The following OTUD7A variants were observed in gnomAD, a reference collection of about 807,000 sequenced individuals.
The protein encoded by OTUD7A is OTU deubiquitinase 7A.
Under a neutral mutation model 65.7 loss-of-function variants are expected in OTUD7A, and 12 were observed. The observed-to-expected ratio is 0.18, with a 90% CI of 0.12 to 0.30. The LOEUF (loss-of-function observed/expected upper bound fraction) is 0.30, where lower values mean the gene tolerates loss of function less well. Ranked by LOEUF, OTUD7A falls within the 10% of genes least tolerant of loss-of-function variation. The pLI, the probability that OTUD7A is intolerant of heterozygous loss-of-function variation, is 1.00. For missense variants in OTUD7A, 1,148 were observed against 1,304.8 expected (o/e 0.88, Z 1.85); for synonymous variants, 641 against 586.3 (o/e 1.09, Z -1.35).
chr15:31,599,247 T>C (rs1037127776), intron 3 of OTUD7A, among the ~76,000 whole-genome samples: 12 of 152,124 alleles, frequency 7.9e-5, no homozygotes, highest in African/African-American at 1.7e-4. Context: ...AGACACCTCA[T>C]ACAGGAGAGC....
chr15:31,772,038 G>A (rs1895249071), intron 1 of OTUD7A, among the ~76,000 whole-genome samples: 1 of 152,080 alleles, frequency 6.6e-6, no homozygotes, highest in South Asian at 2.1e-4. Flanking sequence ...GGATCACGAG[G>A]TCAGGAGATC....
Position 31,613,682 on chromosome 15 carries a change from A to T in OTUD7A, c.151+41414T>A, listed in dbSNP as rs188201431. 3.3e-5 allele frequency among the ~76,000 whole-genome samples: 5 copies of T among 152,316 alleles called. No homozygotes were observed. In the East Asian group the frequency reaches 9.6e-4, roughly 29 times the overall value. On this transcript the variant is annotated intron_variant, in intron 3 of 12. Coordinates refer to ENST00000307050, the MANE Select transcript of OTUD7A (RefSeq NM_001382637.1). Reference sequence around the variant, plus strand: ...GGCATGGATGCAGTGATCAGGGAACACTTCTACTGCTGGTGGGAATGTAAA... The same window carrying T: ...GGCATGGATGCAGTGATCAGGGAACTCTTCTACTGCTGGTGGGAATGTAAA...
chr15:31,604,042 C>T (rs541854000), intron 3 of OTUD7A, among the ~76,000 whole-genome samples: 1 of 152,306 alleles, frequency 6.6e-6, no homozygotes, highest in South Asian at 2.1e-4. Context: ...GTGGCGATTC[C>T]TCAAGGATCT....
At chr15:31,680,915 A>T (rs1190210150) in intron 1 of OTUD7A, among the ~76,000 whole-genome samples, 1 of 150,356 alleles carries the variant, frequency 6.7e-6, no homozygotes, top group Admixed American at 6.6e-5. Context: ...AAGTCACTAA[A>T]CCCCTGTGAA....
At chr15:31,646,839 G>A (rs1388822829) in intron 3 of OTUD7A, among the ~76,000 whole-genome samples, 1 of 152,082 alleles carries the variant, frequency 6.6e-6, no homozygotes, top group African/African-American at 2.4e-5. Flanking sequence ...GGTACCTGGG[G>A]GTTACAAGCT....
chr15:31,817,970 G>C (rs11631016), intron 1 of OTUD7A, among the ~76,000 whole-genome samples: 91,805 of 152,046 alleles, frequency 0.6, 27,907 homozygotes, highest in East Asian at 0.69. Flanking sequence ...CATGCCCTTA[G>C]AAGAGAGCCG....
At chr15:31,531,172 C>T (rs1464221059) in intron 5 of OTUD7A, among the ~76,000 whole-genome samples, 1 of 152,152 alleles carries the variant, frequency 6.6e-6, no homozygotes, top group Non-Finnish European at 1.5e-5. Flanking sequence ...TTGAGGCACA[C>T]ATACCTTTGA....
chr15:31,588,084 A>G (rs115887530), intron 3 of OTUD7A, among the ~76,000 whole-genome samples: 5 of 152,282 alleles, frequency 3.3e-5, no homozygotes, highest in Admixed American at 2.6e-4. Flanking sequence ...AAAGATGCAT[A>G]CAGCAGCCCT....
chr15:31,748,906 C>A (rs1191582845), intron 1 of OTUD7A, among the ~76,000 whole-genome samples: 2 of 151,988 alleles, frequency 1.3e-5, no homozygotes, highest in African/African-American at 4.8e-5. Flanking sequence ...TGGAAAGGTG[C>A]TGAACTTTAT....
At chr15:31,708,954 T>C (rs144492376) in intron 1 of OTUD7A, among the ~76,000 whole-genome samples, 1,688 of 150,352 alleles carry the variant, frequency 0.011, 14 homozygotes, top group Non-Finnish European at 0.017. Context: ...AGAGAAGATG[T>C]GAAAGTGACA....
chr15:31,793,498 T>C lies in OTUD7A; in HGVS notation c.-100+77009A>G, dbSNP rs149731620. On this transcript the variant is annotated intron_variant, in intron 1 of 12. Transcript: ENST00000307050. ...TATCTTCTTCTTAGAAGGCATTCCT[T>C]CTACTTATTTTGTATGTCTCCTCCT... Among the ~76,000 whole-genome samples the C allele has an allele frequency of 2.1e-3, 316 of 152,346 alleles. 1 individual carries two copies. The highest frequency in any genetic ancestry group is 7.3e-3 in the African/African-American group (304 of 41,572).
In OTUD7A at chr15:31,860,677, G is replaced by GTATATATATATATATATATATATA. The variant is rs1555425282; in HGVS notation, c.-100+9829_-100+9830insTATATATATATATATATATATATA. On this transcript the variant is annotated intron_variant, in intron 1 of 12. Transcript: ENST00000307050. ...TGTGTGTATATATAGATGTATGTGT[G>GTATATATATATATATATATATATA]TATATATATATATATATATATATGT... Among the ~76,000 whole-genome samples the GTATATATATATATATATATATATA allele has an allele frequency of 1.3e-3, 98 of 73,256 alleles. 4 individuals carry two copies. Among genetic ancestry groups the GTATATATATATATATATATATATA allele is most frequent in the African/African-American group, 3.7e-3 (79 of 21,608 alleles). 48.1% of individuals were successfully genotyped at this position (73,256 alleles called of 152,430 possible). A position where few individuals can be genotyped will look rare whatever the true frequency, so the allele number is the denominator to read the frequency against.
At chr15:31,785,711 T>C (rs1383994047) in intron 1 of OTUD7A, among the ~76,000 whole-genome samples, 1 of 152,226 alleles carries the variant, frequency 6.6e-6, no homozygotes, top group African/African-American at 2.4e-5. Context: ...TTGGGTCTGT[T>C]TGCAAAGCAG....
chr15:31,571,045 A>C (rs1029447145), intron 3 of OTUD7A, among the ~76,000 whole-genome samples: 30 of 152,198 alleles, frequency 2.0e-4, no homozygotes, highest in African/African-American at 7.2e-4. Flanking sequence ...AATGTTCCCA[A>C]CACAAAAGAA....
chr15:31,774,977 T>TAAAAA, intron 1 of OTUD7A, among the ~76,000 whole-genome samples: 1 of 144,644 alleles, frequency 6.9e-6, no homozygotes. Context: ...AAAAGATAGT[T>TAAAAA]AAAAAAAAAA....
rs1249321164 is a variant in OTUD7A at position 31,527,169 on chromosome 15, G to A, written c.780+12C>T. Reference sequence around the variant, plus strand: ...TGGGTCCCGGGCTCTGGCCATGCCAGTGGATACCAACCTCCTTATTCTGCT... The same window carrying A: ...TGGGTCCCGGGCTCTGGCCATGCCAATGGATACCAACCTCCTTATTCTGCT... On this transcript the variant is annotated intron_variant, in intron 7 of 12. Coordinates refer to ENST00000307050, the MANE Select transcript of OTUD7A (RefSeq NM_001382637.1). 1.9e-6 allele frequency: 3 copies of A among 1,614,018 alleles called. No homozygotes were observed. The highest frequency in any genetic ancestry group is 2.5e-6 in the Non-Finnish European group (3 of 1,179,964).
chr15:31,757,720 T>C (rs1057276203), intron 1 of OTUD7A, among the ~76,000 whole-genome samples: 1 of 152,236 alleles, frequency 6.6e-6, no homozygotes, highest in Non-Finnish European at 1.5e-5. Flanking sequence ...CAAAGTGTAA[T>C]TGTGGGTCAC....
intron 1 of OTUD7A, among the ~76,000 whole-genome samples, chr15:31,761,133 T>C (rs779281525): frequency 5.9e-5 from 9 of 152,154 alleles, no homozygotes; most frequent in Admixed American, 2.0e-4. Context: ...GCAATAATTT[T>C]GTAGGTACAA....
chr15:31,861,530 A>G (rs1050673558), intron 1 of OTUD7A, among the ~76,000 whole-genome samples: 12 of 152,138 alleles, frequency 7.9e-5, no homozygotes, highest in Admixed American at 6.5e-5. Flanking sequence ...CCTCTTCCAG[A>G]ACAGGCAGAG....
Sources: gnomAD v4.1 joint callset for allele counts (sites outside exome capture counted in the v4.1 genomes callset) on GRCh38, gnomAD v4.1.1 for gene constraint, MANE v1.5 for transcripts, NCBI Gene and HGNC (gene_info 2026-07-23, HGNC 2026-07-21) for gene names.